The following GARIN1B variants were observed in gnomAD, a reference collection of about 807,000 sequenced individuals.
The protein encoded by GARIN1B is golgi associated RAB2 interactor 1B, also known as Golgi-associated RAB2 interactor protein 1B.
At chr7:128,727,759 G>A in the GARIN1B span, among the ~76,000 whole-genome samples, 34 of 150,680 alleles carry the variant, frequency 2.3e-4, no homozygotes, top group East Asian at 3.9e-3. Flanking sequence ...CCCTTCCCCC[G>A]ATGCTTCACT....
the GARIN1B span, among the ~76,000 whole-genome samples, chr7:128,722,405 A>G: frequency 6.6e-6 from 1 of 152,242 alleles, no homozygotes. Flanking sequence ...GACAGCATGC[A>G]CAACTGGAGC....
chr7:128,712,815 T>G, the GARIN1B span, among the ~76,000 whole-genome samples: 1 of 152,252 alleles, frequency 6.6e-6, no homozygotes, highest in South Asian at 2.1e-4. Context: ...AGCTACAAGT[T>G]TGTAATTTCT....
the GARIN1B span, among the ~76,000 whole-genome samples, chr7:128,724,286 C>T: frequency 1.3e-5 from 2 of 152,248 alleles, no homozygotes; most frequent in African/African-American, 2.4e-5. Flanking sequence ...GCCAGGACTA[C>T]AGGCGTGAGC....
chr7:128,724,819 G>A, the GARIN1B span: 17,176 of 1,289,710 alleles, frequency 0.013, 140 homozygotes, highest in Non-Finnish European at 0.016. Context: ...CTTTCTTTCT[G>A]AGCACTGGTA....
At chr7:128,711,769 G>A in the GARIN1B span, among the ~76,000 whole-genome samples, 1 of 152,012 alleles carries the variant, frequency 6.6e-6, no homozygotes. Context: ...TGCTGGCCGT[G>A]GTGGCTCATG....
the GARIN1B span, among the ~76,000 whole-genome samples, chr7:128,722,399 G>A: frequency 6.6e-6 from 1 of 152,182 alleles, no homozygotes; most frequent in Non-Finnish European, 1.5e-5. Flanking sequence ...GACATGGACA[G>A]CATGCACAAC....
chr7:128,714,213 G>A, the GARIN1B span: 1 of 1,346,790 alleles, frequency 7.4e-7, no homozygotes, highest in Non-Finnish European at 1.0e-6. Flanking sequence ...TGTCCTTTGT[G>A]TGTAATGATT....
chr7:128,722,258 G>T, the GARIN1B span, among the ~76,000 whole-genome samples: 1 of 152,168 alleles, frequency 6.6e-6, no homozygotes, highest in Admixed American at 6.5e-5. Context: ...CATGATGAAT[G>T]TAAGTCTGGC....
chr7:128,710,859 T>A, the GARIN1B span, among the ~76,000 whole-genome samples: 1 of 152,102 alleles, frequency 6.6e-6, no homozygotes, highest in Non-Finnish European at 1.5e-5. Flanking sequence ...GGTTTCTCCA[T>A]GTTGGTCAGG....
the GARIN1B span, among the ~76,000 whole-genome samples, chr7:128,711,449 G>A: frequency 1.3e-5 from 2 of 151,976 alleles, no homozygotes. Context: ...TAAGCTAAGG[G>A]AACATGCTTG....
chr7:128,719,107 T>A, the GARIN1B span: 1 of 1,608,148 alleles, frequency 6.2e-7, no homozygotes, highest in African/African-American at 1.3e-5. Flanking sequence ...ATTGCCACCC[T>A]GCAGTCAAGG....
the GARIN1B span, among the ~76,000 whole-genome samples, chr7:128,719,951 C>T: frequency 6.6e-5 from 10 of 152,012 alleles, no homozygotes; most frequent in Non-Finnish European, 1.2e-4. Flanking sequence ...CCACCCACCT[C>T]GGCCCACCAA....
At chr7:128,729,168 C>G in the GARIN1B span, among the ~76,000 whole-genome samples, 24 of 152,114 alleles carry the variant, frequency 1.6e-4, no homozygotes, top group Admixed American at 1.6e-3. Flanking sequence ...TTTTCTCATT[C>G]GGCGAGGGAG....
At chr7:128,726,114 G>A in the GARIN1B span, among the ~76,000 whole-genome samples, 3 of 152,234 alleles carry the variant, frequency 2.0e-5, no homozygotes, top group East Asian at 5.8e-4. Context: ...GCCAGGCGGG[G>A]CCTGGGAAGC....
the GARIN1B span, chr7:128,715,389 G>A: frequency 1.9e-6 from 3 of 1,590,522 alleles, no homozygotes; most frequent in Non-Finnish European, 2.6e-6. Flanking sequence ...GGCCAGGAGG[G>A]GAGACAGAGA....
the GARIN1B span, chr7:128,723,296 T>G: frequency 6.2e-7 from 1 of 1,612,818 alleles, no homozygotes; most frequent in Non-Finnish European, 8.5e-7. Context: ...TTTTGCCGAC[T>G]TACACCAGCA....
At chr7:128,723,451 G>A in the GARIN1B span, 48 of 1,125,532 alleles carry the variant, frequency 4.3e-5, no homozygotes, top group Non-Finnish European at 5.2e-5. Flanking sequence ...GGTGGCTCAC[G>A]CCTGTATTCC....
the GARIN1B span, among the ~76,000 whole-genome samples, chr7:128,729,426 G>A: frequency 1.3e-5 from 2 of 152,182 alleles, no homozygotes; most frequent in Non-Finnish European, 2.9e-5. Context: ...TTGAGACTGC[G>A]ATTCTAACAT....
chr7:128,731,481 A>T, the GARIN1B span: 1 of 350,586 alleles, frequency 2.9e-6, no homozygotes, highest in East Asian at 5.3e-5. Flanking sequence ...AGACACAAAG[A>T]GAAGTGGTAA....
Sources: allele counts gnomAD v4.1 joint callset (sites outside exome capture counted in the v4.1 genomes callset), GRCh38; gene constraint gnomAD v4.1.1; transcripts MANE v1.5; gene names NCBI Gene and HGNC (gene_info 2026-07-23, HGNC 2026-07-21).